The following HS3ST2 variants were observed in gnomAD, a reference collection of about 807,000 sequenced individuals.
HS3ST2 encodes heparan sulfate-glucosamine 3-sulfotransferase 2.
In HS3ST2, 17 loss-of-function variants were observed where a neutral mutation model predicts 26.3. The observed-to-expected ratio is 0.65, with a 90% CI of 0.44 to 0.97. HS3ST2 has a LOEUF of 0.97. HS3ST2 is among the 50% of genes least tolerant of loss of function. The pLI, the probability that HS3ST2 is intolerant of heterozygous loss-of-function variation, is 0.00. For synonymous variants in HS3ST2, 237 were observed against 219.2 expected, an observed-to-expected ratio of 1.08 and a Z score of -0.72; for missense variants, 402 against 501.2, an observed-to-expected ratio of 0.80 and a Z score of 1.89.
At chr16:22,904,936 C>T (rs745758493) in intron 1 of HS3ST2, among the ~76,000 whole-genome samples, 16 of 152,204 alleles carry the variant, frequency 1.1e-4, no homozygotes, top group African/African-American at 2.2e-4. Context: ...CGAGGATAAA[C>T]GGCCACAGGT....
intron 1 of HS3ST2, among the ~76,000 whole-genome samples, 181 bp from the exon 2 acceptor site, chr16:22,914,763 A>AAAAAAAAGAG (rs1489223344): frequency 1.5e-4 from 18 of 118,776 alleles, no homozygotes; most frequent in African/African-American, 6.7e-4. Flanking sequence ...AAAAAAAAAA[A>AAAAAAAAGAG]AGAGAAGAAA....
At chr16:22,857,564 A>T (rs2141187945) in intron 1 of HS3ST2, among the ~76,000 whole-genome samples, 1 of 152,348 alleles carries the variant, frequency 6.6e-6, no homozygotes, top group African/African-American at 2.4e-5. Flanking sequence ...GACAAATGGA[A>T]CAAAGTTTAA....
At chr16:22,855,696 G>GTCTCTCTCTCTCTC (rs3078722) in intron 1 of HS3ST2, among the ~76,000 whole-genome samples, 1,446 of 142,968 alleles carry the variant, frequency 0.01, 17 homozygotes, top group East Asian at 0.032. Context: ...CTGTCTCTCT[G>GTCTCTCTCTCTCTC]TCTCTCTCTC....
chr16:22,832,292 T>C (rs1431769868), intron 1 of HS3ST2, among the ~76,000 whole-genome samples: 2 of 152,032 alleles, frequency 1.3e-5, no homozygotes, highest in Non-Finnish European at 2.9e-5. Context: ...CCACTGTCCC[T>C]GATCTGAAGA....
chr16:22,895,017 G>T (rs143904113), intron 1 of HS3ST2, among the ~76,000 whole-genome samples: 2 of 151,220 alleles, frequency 1.3e-5, no homozygotes, highest in Admixed American at 1.3e-4. Context: ...TTGATTCAGC[G>T]TGTTATGTAC....
chr16:22,901,621 A>G (rs1443627034), intron 1 of HS3ST2, among the ~76,000 whole-genome samples: 7 of 152,244 alleles, frequency 4.6e-5, no homozygotes, highest in Non-Finnish European at 1.5e-5. Flanking sequence ...TCAGCTGCAG[A>G]TAGGACCAAA....
At chr16:22,907,018 G>A (rs1250766572) in intron 1 of HS3ST2, among the ~76,000 whole-genome samples, 3 of 152,218 alleles carry the variant, frequency 2.0e-5, no homozygotes, top group Admixed American at 6.5e-5. Flanking sequence ...AAAGTGCCAT[G>A]AGGTTACACA....
rs938095642 is a variant in HS3ST2 at position 22,870,911 on chromosome 16, G to A, written c.486-44033G>A. Among the ~76,000 whole-genome samples the A allele has an allele frequency of 3.3e-5, 5 of 152,228 alleles. No individual in the cohort carries two copies. The East Asian group carries it at 5.8e-4, about 18-fold the overall frequency. On this transcript the variant is annotated intron_variant, in intron 1 of 1. Coordinates refer to ENST00000261374, the MANE Select transcript of HS3ST2 (RefSeq NM_006043.2). ...TATAGATGATCCGTAACTTACAATG[G>A]TTCAACTTAAGATTTTTCGACTTTA...
chr16:22,835,445 G>T (rs1901241613), intron 1 of HS3ST2, among the ~76,000 whole-genome samples: 1 of 152,002 alleles, frequency 6.6e-6, no homozygotes, highest in African/African-American at 2.4e-5. Flanking sequence ...ACTCCACTTT[G>T]TTTTTGTGAT....
intron 1 of HS3ST2, among the ~76,000 whole-genome samples, chr16:22,877,428 A>G (rs148367991): frequency 0.012 from 1,832 of 152,302 alleles, 16 homozygotes; most frequent in Middle Eastern, 0.037. Flanking sequence ...CAGACTGGTT[A>G]TAAGTGGGCC....
chr16:22,851,806 T>C (rs1901522821), intron 1 of HS3ST2, among the ~76,000 whole-genome samples: 1 of 152,222 alleles, frequency 6.6e-6, no homozygotes, highest in East Asian at 1.9e-4. Context: ...TGGGGCAAGG[T>C]ATGCTTCCTC....
intron 1 of HS3ST2, among the ~76,000 whole-genome samples, chr16:22,899,478 G>A (rs771178076): frequency 6.6e-6 from 1 of 152,136 alleles, no homozygotes; most frequent in Non-Finnish European, 1.5e-5. Context: ...TGCAGAGAAA[G>A]GGAACGGTCT....
At chr16:22,815,117 C>A in intron 1 of HS3ST2, 22 bp downstream of exon 1, 1 of 1,607,230 alleles carries the variant, frequency 6.2e-7, no homozygotes, top group African/African-American at 1.3e-5. Context: ...GAGCTCCGCT[C>A]CGTGCGCCGG....
chr16:22,820,047 CAT>C (rs1900965809), intron 1 of HS3ST2, among the ~76,000 whole-genome samples: 1 of 152,252 alleles, frequency 6.6e-6, no homozygotes, highest in Non-Finnish European at 1.5e-5. Context: ...CACACCCACA[CAT>C]GTGCACCTGC....
chr16:22,814,483 C>T lies in HS3ST2; in HGVS notation c.-128C>T. ...TCAGCAGCCCCCGGAGAAGACGGCG[C>T]CCCCAACGCCCGACCCGCGTGGCCG... On this transcript the variant is annotated 5_prime_UTR_variant, in exon 1 of 2. Transcript: ENST00000261374. 2 of 1,057,648 alleles carry T rather than the reference C, an allele frequency of 1.9e-6. No homozygotes were observed. Among genetic ancestry groups the T allele is most frequent in the Non-Finnish European group, 2.6e-6 (2 of 779,980 alleles). The allele number at this position is 1,057,648 out of a possible 1,614,324, so 65.5% of individuals were successfully genotyped here.
At chr16:22,867,971 T>A (rs1291032549) in intron 1 of HS3ST2, among the ~76,000 whole-genome samples, 1 of 152,230 alleles carries the variant, frequency 6.6e-6, no homozygotes, top group Non-Finnish European at 1.5e-5. Flanking sequence ...TGTAAACAAC[T>A]AATACAGAAT....
intron 1 of HS3ST2, among the ~76,000 whole-genome samples, chr16:22,875,488 C>T (rs557751838): frequency 2.0e-4 from 31 of 152,278 alleles, no homozygotes; most frequent in African/African-American, 7.0e-4. Flanking sequence ...TCAAGTGATT[C>T]TCCTGCCTCA....
chr16:22,914,909 A>G, intron 1 of HS3ST2, 35 bp from the exon 2 acceptor site: 1 of 1,572,272 alleles, frequency 6.4e-7, no homozygotes, highest in South Asian at 1.2e-5. Flanking sequence ...CCCCAGGGAA[A>G]CCTATTTGAT....
chr16:22,884,653 GA>G (rs200488676), intron 1 of HS3ST2, among the ~76,000 whole-genome samples: 1 of 140,500 alleles, frequency 7.1e-6, no homozygotes, highest in African/African-American at 2.7e-5. Flanking sequence ...GCAAAATAGA[GA>G]AAAAAATATA....
Sources: gnomAD v4.1 joint callset for allele counts (sites outside exome capture counted in the v4.1 genomes callset) on GRCh38, gnomAD v4.1.1 for gene constraint, MANE v1.5 for transcripts, NCBI Gene and HGNC (gene_info 2026-07-23, HGNC 2026-07-21) for gene names.